TRDN: variants seen among roughly 807,000 people sequenced by gnomAD.
TRDN encodes triadin in skeletal muscle.
In TRDN, 161 loss-of-function variants were observed where a neutral mutation model predicts 149.7. That is an observed-to-expected ratio of 1.08 (90% CI 0.95 to 1.23). The LOEUF (loss-of-function observed/expected upper bound fraction) is 1.23. TRDN is among the 50% of genes most tolerant of loss of function. The pLI, the probability that TRDN is intolerant of heterozygous loss-of-function variation, is 0.00. For synonymous variants in TRDN, 294 were observed against 250.5 expected (o/e 1.17, Z -1.64); for missense variants, 896 against 823.5 (o/e 1.09, Z -1.08).
At chr6:123,229,740 G>A (rs957929533) in intron 38 of TRDN, among the ~76,000 whole-genome samples, 2 of 151,844 alleles carry the variant, frequency 1.3e-5, no homozygotes, top group Non-Finnish European at 2.9e-5. Context: ...AATAAATATG[G>A]ACTCTAATTA....
At chr6:123,322,393 A>T (rs990842579) in intron 23 of TRDN, among the ~76,000 whole-genome samples, 2 of 152,126 alleles carry the variant, frequency 1.3e-5, no homozygotes, top group African/African-American at 2.4e-5. Flanking sequence ...AAACTCTCCA[A>T]ATTTCCATTT....
At chr6:123,266,292 T>C (rs1409710656) in intron 32 of TRDN, among the ~76,000 whole-genome samples, 10 of 108,698 alleles carry the variant, frequency 9.2e-5, no homozygotes, top group Non-Finnish European at 5.0e-5. Flanking sequence ...ATATGTAATA[T>C]GTATTATATA....
intron 24 of TRDN, among the ~76,000 whole-genome samples, chr6:123,293,501 T>C (rs1026117148): frequency 1.3e-5 from 2 of 152,124 alleles, no homozygotes; most frequent in Non-Finnish European, 2.9e-5. Context: ...GGAGACCATA[T>C]ATGGTGCATT....
At chr6:123,437,692 C>T (rs1426399592) in intron 12 of TRDN, among the ~76,000 whole-genome samples, 3 of 152,078 alleles carry the variant, frequency 2.0e-5, no homozygotes, top group African/African-American at 4.8e-5. Flanking sequence ...TTGGACTCCT[C>T]GCTCCACATT....
At chr6:123,276,331 A>G (rs1777365790) in intron 26 of TRDN, among the ~76,000 whole-genome samples, 1 of 152,166 alleles carries the variant, frequency 6.6e-6, no homozygotes, top group Admixed American at 6.6e-5. Flanking sequence ...TATTTTTTAT[A>G]AAGTGGCAAA....
intron 6 of TRDN, among the ~76,000 whole-genome samples, chr6:123,514,631 AACACAC>A (rs60716520): frequency 3.7e-4 from 54 of 147,586 alleles, no homozygotes; most frequent in Middle Eastern, 3.4e-3. Flanking sequence ...ACATACCCAA[AACACAC>A]ACACACACAC....
At position 123,570,949 on chromosome 6, in the gene TRDN, T is replaced by C; in HGVS notation, c.206A>G (p.Asp69Gly). ...TWSAVAIVMF[D>G]LVDYKNFSAS... ...TGAAAAGTTTTTGTAATCCACTAAATCAAACATAACGATGGCAACAGCTGA... is the reference window on the plus strand; with the variant it reads ...TGAAAAGTTTTTGTAATCCACTAAACCAAACATAACGATGGCAACAGCTGA... The change falls in exon 2 of 41, where the codon GAT becomes GGT. Residue 69 changes from aspartate to glycine, a missense_variant. Coordinates refer to ENST00000334268, the MANE Select transcript of TRDN (RefSeq NM_006073.4). The C allele has an allele frequency of 6.2e-7, 1 of 1,613,962 alleles. No homozygotes were observed. The highest frequency in any genetic ancestry group is 1.6e-4 in the Middle Eastern group (1 of 6,062).
chr6:123,613,494 A>G (rs1309585416), intron 1 of TRDN, among the ~76,000 whole-genome samples: 1 of 152,170 alleles, frequency 6.6e-6, no homozygotes, highest in African/African-American at 2.4e-5. Flanking sequence ...ATTCTGCTCA[A>G]TGAACTCAAT....
chr6:123,617,716 A>G (rs1204881332), intron 1 of TRDN, among the ~76,000 whole-genome samples: 1 of 152,136 alleles, frequency 6.6e-6, no homozygotes, highest in African/African-American at 2.4e-5. Context: ...GATTTATGTA[A>G]AAATATTTCA....
In TRDN at chr6:123,472,806, C is replaced by A. The variant is rs930113780; in HGVS notation, c.854-7823G>T. Reference sequence around the variant, plus strand: ...GACCCCTGACCCCCGAGCAGCCTAACTGGGAGGCAACCCCCCAGCAGGGGC... The same window carrying A: ...GACCCCTGACCCCCGAGCAGCCTAAATGGGAGGCAACCCCCCAGCAGGGGC... On this transcript the variant is annotated intron_variant, in intron 9 of 40. Transcript: ENST00000334268. Among the ~76,000 whole-genome samples the A allele has an allele frequency of 5.3e-5, 8 of 151,866 alleles. No homozygotes were observed. The South Asian group carries it at 8.3e-4, about 16-fold the overall frequency.
At chr6:123,469,058 A>T (rs545604718) in intron 9 of TRDN, 48 of 152,318 alleles carry the variant, frequency 3.2e-4, no homozygotes, top group African/African-American at 1.1e-3. Flanking sequence ...TTGTAAATCT[A>T]TGACTAAAAG....
At chr6:123,465,092 C>A in intron 9 of TRDN, 109 bp from the exon 10 acceptor site, 2 of 1,179,568 alleles carry the variant, frequency 1.7e-6, no homozygotes, top group South Asian at 1.9e-5. Flanking sequence ...TAATACCAAG[C>A]CAAGTATAAA....
intron 38 of TRDN, among the ~76,000 whole-genome samples, chr6:123,243,487 G>A (rs1052273580): frequency 2.0e-5 from 3 of 152,130 alleles, no homozygotes; most frequent in African/African-American, 7.2e-5. Context: ...TTTCAAAGAA[G>A]TTCAGTGAGA....
At chr6:123,227,839 G>A (rs560188008) in intron 38 of TRDN, among the ~76,000 whole-genome samples, 2 of 151,884 alleles carry the variant, frequency 1.3e-5, no homozygotes, top group Admixed American at 1.3e-4. Context: ...CCTCCGAGGT[G>A]AGGACTTTTA....
At chr6:123,592,779 G>A (rs552301231) in intron 1 of TRDN, among the ~76,000 whole-genome samples, 41 of 152,228 alleles carry the variant, frequency 2.7e-4, no homozygotes, top group Middle Eastern at 6.8e-3. Flanking sequence ...CATGTTTTTG[G>A]AACCTACTAA....
chr6:123,222,888 T>C (rs780494868), intron 39 of TRDN, among the ~76,000 whole-genome samples: 18 of 151,684 alleles, frequency 1.2e-4, no homozygotes, highest in African/African-American at 2.9e-4. Flanking sequence ...AACAAGCGTA[T>C]GAAAAAAAGC....
At chr6:123,602,262 C>T (rs79294531) in intron 1 of TRDN, among the ~76,000 whole-genome samples, 2 of 152,014 alleles carry the variant, frequency 1.3e-5, no homozygotes, top group South Asian at 2.1e-4. Context: ...AACAGAATCA[C>T]GTAATGGCCA....
At chr6:123,556,152 GA>G (rs1008738436) in intron 2 of TRDN, among the ~76,000 whole-genome samples, 4 of 152,200 alleles carry the variant, frequency 2.6e-5, no homozygotes, top group African/African-American at 9.6e-5. Context: ...AGAGTATGAG[GA>G]AACCACATTT....
intron 23 of TRDN, among the ~76,000 whole-genome samples, chr6:123,325,925 A>G (rs776850169): frequency 6.6e-5 from 10 of 152,148 alleles, no homozygotes; most frequent in Non-Finnish European, 1.5e-4. Flanking sequence ...ATTAATCAAT[A>G]TTAAAATAGT....
Sources: gnomAD v4.1 joint callset for allele counts (sites outside exome capture counted in the v4.1 genomes callset) on GRCh38, gnomAD v4.1.1 for gene constraint, MANE v1.5 for transcripts, NCBI Gene and HGNC (gene_info 2026-07-23, HGNC 2026-07-21) for gene names.